NFIA: variants seen among roughly 807,000 people sequenced by gnomAD.
The protein encoded by NFIA is nuclear factor I A, also known as nuclear factor 1 A-type.
In NFIA, 8 loss-of-function variants were observed where a neutral mutation model predicts 62.8. The ratio of observed to expected loss-of-function variants is 0.13; its 90% confidence interval spans 0.07 to 0.23. The LOEUF is 0.23. Among genes scored for constraint, NFIA ranks in the 10% least tolerant of loss-of-function variants. The pLI, the probability that NFIA is intolerant of heterozygous loss-of-function variation, is 1.00. For missense variants in NFIA, 410 were observed against 642.1 expected (o/e 0.64, Z 3.91); for synonymous variants, 235 against 238.1 (o/e 0.99, Z 0.12).
intron 2 of NFIA, among the ~76,000 whole-genome samples, chr1:61,131,974 T>C (rs868343945): frequency 4.6e-5 from 7 of 152,224 alleles, no homozygotes; most frequent in Non-Finnish European, 1.0e-4. Context: ...TGGTGACTTG[T>C]TCCTACTCCT....
intron 2 of NFIA, among the ~76,000 whole-genome samples, chr1:61,091,223 T>G (rs1646314778): frequency 6.6e-6 from 1 of 152,234 alleles, no homozygotes; most frequent in South Asian, 2.1e-4. Context: ...AAATTAGATC[T>G]TCTTTTCCTT....
At chr1:61,227,910 A>G (rs1005379922) in intron 2 of NFIA, among the ~76,000 whole-genome samples, 4 of 152,190 alleles carry the variant, frequency 2.6e-5, no homozygotes, top group Non-Finnish European at 5.9e-5. Context: ...TCATTATTAT[A>G]AATTTTTGTG....
chr1:61,081,370 C>G (rs780376311), upstream of NFIA, among the ~76,000 whole-genome samples: 89 of 152,144 alleles, frequency 5.8e-4, no homozygotes, highest in Non-Finnish European at 1.0e-3. Flanking sequence ...TTGCAGGAAG[C>G]TCTTTTCCAT....
chr1:61,449,187 T>A (rs1667955554), intron 10 of NFIA, among the ~76,000 whole-genome samples: 1 of 152,182 alleles, frequency 6.6e-6, no homozygotes, highest in Non-Finnish European at 1.5e-5. Context: ...CTGGAGTGGC[T>A]TGTGGAGACT....
chr1:61,252,967 G>C (rs573814668), intron 2 of NFIA, among the ~76,000 whole-genome samples: 1 of 152,206 alleles, frequency 6.6e-6, no homozygotes, highest in Admixed American at 6.5e-5. Flanking sequence ...TTGGCAGATA[G>C]AGTTTATATC....
intron 3 of NFIA, among the ~76,000 whole-genome samples, chr1:61,325,694 G>A (rs1265486637): frequency 7.9e-5 from 12 of 152,116 alleles, no homozygotes; most frequent in Non-Finnish European, 1.5e-4. Context: ...CAAGGCAGGC[G>A]GATCATGAGG....
intron 10 of NFIA, among the ~76,000 whole-genome samples, chr1:61,449,618 G>A (rs918240537): frequency 3.3e-5 from 5 of 152,168 alleles, no homozygotes; most frequent in East Asian, 3.9e-4. Context: ...TGGGGGATCC[G>A]GAAGAAGTTT....
intron 3 of NFIA, among the ~76,000 whole-genome samples, chr1:61,278,062 AT>A (rs1008398684): frequency 2.7e-4 from 41 of 149,332 alleles, no homozygotes; most frequent in Non-Finnish European, 5.2e-4. Flanking sequence ...AAAAAAAAAA[AT>A]ATCTATGCTT....
intron 2 of NFIA, among the ~76,000 whole-genome samples, chr1:61,200,710 A>G (rs1392981889): frequency 1.3e-5 from 2 of 152,230 alleles, no homozygotes; most frequent in East Asian, 3.8e-4. Flanking sequence ...GAATTATCAC[A>G]ACCACATAAT....
rs911945490 is a variant in NFIA, at chr1:61,461,814, A to T, written c.*6494A>T. ...CCAGAGCACCTTCATGGTGGAAGAC[A>T]CCCACCAGGTCATACAATGTGAACT... On this transcript the variant is annotated 3_prime_UTR_variant, in exon 11 of 11. Coordinates refer to ENST00000403491, the MANE Select transcript of NFIA (RefSeq NM_001134673.4). The T allele has an allele frequency of 1.3e-5, 2 of 152,180 alleles. No homozygotes were observed. Among genetic ancestry groups the T allele is most frequent in the Non-Finnish European group, 2.9e-5 (2 of 68,038 alleles). 9.4% of individuals were successfully genotyped at this position (152,180 alleles called of 1,614,324 possible).
intron 2 of NFIA, among the ~76,000 whole-genome samples, chr1:61,186,228 T>G (rs1231861608): frequency 6.6e-6 from 1 of 152,182 alleles, no homozygotes; most frequent in Non-Finnish European, 1.5e-5. Flanking sequence ...TGTGCTTGAG[T>G]CTTGGCTCTG....
intron 2 of NFIA, chr1:61,251,261 T>C (rs1261984669): frequency 1.3e-5 from 2 of 152,216 alleles, no homozygotes; most frequent in African/African-American, 4.8e-5. Context: ...CTCCGTGATC[T>C]CTTTACTACG....
chr1:61,232,674 T>C (rs1654751525), intron 2 of NFIA, among the ~76,000 whole-genome samples: 1 of 152,342 alleles, frequency 6.6e-6, no homozygotes, highest in African/African-American at 2.4e-5. Context: ...ACAGAGATTT[T>C]TTTAAAAAAC....
chr1:61,413,876 T>C (rs1266960218), intron 9 of NFIA, among the ~76,000 whole-genome samples: 3 of 152,196 alleles, frequency 2.0e-5, no homozygotes, highest in East Asian at 3.9e-4. Context: ...TCCACCCGCC[T>C]CAACCTCCCA....
chr1:61,350,944 G>A (rs1662519165), intron 4 of NFIA, among the ~76,000 whole-genome samples: 1 of 152,170 alleles, frequency 6.6e-6, no homozygotes, highest in Admixed American at 6.5e-5. Context: ...ATTTAGGAAT[G>A]CAGATGGTCC....
chr1:61,405,361 G>T (rs557495493), intron 8 of NFIA, among the ~76,000 whole-genome samples: 35 of 152,290 alleles, frequency 2.3e-4, no homozygotes, highest in Non-Finnish European at 4.6e-4. Flanking sequence ...CAAAGGCAAG[G>T]TTGCTGGCAA....
At chr1:61,237,752 C>T (rs982644590) in intron 2 of NFIA, among the ~76,000 whole-genome samples, 1 of 151,986 alleles carries the variant, frequency 6.6e-6, no homozygotes, top group Non-Finnish European at 1.5e-5. Flanking sequence ...CTTGATTTAC[C>T]CTTACCACTT....
intron 2 of NFIA, among the ~76,000 whole-genome samples, chr1:61,215,476 G>A (rs954674048): frequency 1.3e-5 from 2 of 150,412 alleles, no homozygotes; most frequent in African/African-American, 4.9e-5. Flanking sequence ...AAAAAAAAAA[G>A]TAAAAGACTG....
At chr1:61,077,551 A>C (rs1028110914), upstream of NFIA, 46 of 1,171,144 alleles carry the variant, frequency 3.9e-5, no homozygotes, top group South Asian at 1.2e-3. Context: ...TTTTAAATGC[A>C]AAAAAAAGGG....
Sources: allele counts gnomAD v4.1 joint callset (sites outside exome capture counted in the v4.1 genomes callset), GRCh38; gene constraint gnomAD v4.1.1; transcripts MANE v1.5; gene names NCBI Gene and HGNC (gene_info 2026-07-23, HGNC 2026-07-21).